SGCZ: variants seen among roughly 807,000 people sequenced by gnomAD.
SGCZ encodes sarcoglycan zeta, also known as zeta-sarcoglycan.
A neutral mutation model predicts 41.3 loss-of-function variants in SGCZ; 40 were observed. The ratio of observed to expected loss-of-function variants is 0.97; its 90% CI spans 0.75 to 1.26. The LOEUF (loss-of-function observed/expected upper bound fraction) is 1.26, where lower values mean the gene tolerates loss of function less well. Ranked by LOEUF, SGCZ falls within the 50% of genes most tolerant of loss-of-function variation. The pLI is 0.00. For missense variants in SGCZ, 552 were observed against 369.8 expected (o/e 1.49, Z -4.04); for synonymous variants, 206 against 137.5 (o/e 1.50, Z -3.49).
intron 4 of SGCZ, among the ~76,000 whole-genome samples, chr8:14,234,602 A>G (rs1429413280): frequency 6.6e-6 from 1 of 151,990 alleles, no homozygotes; most frequent in Non-Finnish European, 1.5e-5. Context: ...TTGTGTGCTA[A>G]TTTTTTTAAT....
At chr8:14,232,619 T>G (rs548974806) in intron 4 of SGCZ, among the ~76,000 whole-genome samples, 1 of 152,064 alleles carries the variant, frequency 6.6e-6, no homozygotes. Flanking sequence ...ATTATTATTA[T>G]ATTTTAAGTT....
intron 3 of SGCZ, among the ~76,000 whole-genome samples, chr8:14,266,889 T>G (rs1223248914): frequency 6.6e-6 from 1 of 151,676 alleles, no homozygotes; most frequent in Non-Finnish European, 1.5e-5. Flanking sequence ...CAAAATGGAG[T>G]AGAGGAACTA....
chr8:14,320,465 A>AT lies in SGCZ; in HGVS notation c.336+3637dup, dbSNP rs1197504272. On this transcript the variant is annotated intron_variant, in intron 3 of 7. Coordinates refer to ENST00000382080, the MANE Select transcript of SGCZ (RefSeq NM_139167.4). ...TATTATAATTATTATTACTATTATT[A>AT]TTATATTATTATACTTTAAGTTCTA... 2.3e-3 allele frequency among the ~76,000 whole-genome samples: 346 copies of AT among 150,844 alleles called. 2 individuals carry two copies. The highest frequency in any genetic ancestry group is 7.0e-3 in the Middle Eastern group (2 of 284).
At chr8:15,087,010 T>C (rs1805973224) in intron 1 of SGCZ, among the ~76,000 whole-genome samples, 1 of 152,126 alleles carries the variant, frequency 6.6e-6, no homozygotes, top group African/African-American at 2.4e-5. Context: ...CAGAAGAACA[T>C]GGGATTTGAA....
chr8:14,348,899 T>A (rs1327295721), intron 2 of SGCZ, among the ~76,000 whole-genome samples: 1 of 152,160 alleles, frequency 6.6e-6, no homozygotes, highest in Non-Finnish European at 1.5e-5. Flanking sequence ...AAAACACTTT[T>A]AGGATCTCTA....
chr8:14,137,702 G>C (rs541022952), intron 5 of SGCZ, among the ~76,000 whole-genome samples: 135 of 152,312 alleles, frequency 8.9e-4, no homozygotes, highest in African/African-American at 3.1e-3. Flanking sequence ...ATCTACGTCT[G>C]ATTGGTGTAC....
intron 1 of SGCZ, among the ~76,000 whole-genome samples, chr8:14,940,711 C>G (rs1321769181): frequency 6.6e-6 from 1 of 151,778 alleles, no homozygotes; most frequent in East Asian, 1.9e-4. Context: ...AAAACAACAA[C>G]AGGTAAGTGT....
chr8:14,527,155 C>T (rs1167980292), intron 2 of SGCZ, among the ~76,000 whole-genome samples: 2 of 152,102 alleles, frequency 1.3e-5, no homozygotes, highest in African/African-American at 4.8e-5. Context: ...CTCTTCTTTT[C>T]ACACACTATG....
chr8:14,134,281 C>T (rs1423493957), intron 5 of SGCZ, among the ~76,000 whole-genome samples: 2 of 152,030 alleles, frequency 1.3e-5, no homozygotes, highest in African/African-American at 4.8e-5. Flanking sequence ...TAAACTAGTA[C>T]CTCATCAAAT....
intron 3 of SGCZ, among the ~76,000 whole-genome samples, chr8:14,266,449 A>G (rs772220764): frequency 7.2e-5 from 11 of 152,102 alleles, no homozygotes; most frequent in Admixed American, 3.3e-4. Flanking sequence ...AAGACATGAT[A>G]TTTGCACTGA....
chr8:14,360,909 A>G (rs548672186), intron 2 of SGCZ, among the ~76,000 whole-genome samples: 1 of 152,262 alleles, frequency 6.6e-6, no homozygotes, highest in Admixed American at 6.5e-5. Context: ...TCTCACCAAC[A>G]AGGGACGAGT....
At position 14,551,563 on chromosome 8, in the gene SGCZ, A is replaced by T. The variant is rs1199502057; in HGVS notation, c.234+3169T>A. On this transcript the variant is annotated intron_variant, in intron 2 of 7. Coordinates refer to ENST00000382080, the MANE Select transcript of SGCZ (RefSeq NM_139167.4). ...ATATAATATATATAATATATATTATATATATAATATATATATAATATATAT... is the reference window on the plus strand; with the variant it reads ...ATATAATATATATAATATATATTATTTATATAATATATATATAATATATAT... Among the ~76,000 whole-genome samples, 6 of 21,172 alleles carry T rather than the reference A, an allele frequency of 2.8e-4. 1 individual carries two copies. The highest frequency in any genetic ancestry group is 1.1e-3 in the South Asian group (1 of 886). 13.9% of individuals were successfully genotyped at this position (21,172 alleles called of 152,430 possible). A position where few individuals can be genotyped will look rare whatever the true frequency, so the allele number is the denominator to read the frequency against.
rs575524440 is a variant in SGCZ, at chr8:14,251,829, C to A, written c.337-14150G>T. 8.5e-5 allele frequency among the ~76,000 whole-genome samples: 13 copies of A among 152,194 alleles called. 1 individual carries two copies. Among genetic ancestry groups the A allele is most frequent in the African/African-American group, 3.1e-4 (13 of 41,538 alleles). On this transcript the variant is annotated intron_variant, in intron 3 of 7. Transcript: ENST00000382080. ...CTCCCGGGTTCAAGTGGTTCTCCTG[C>A]CTCAGCCTCCTGAGTGGCTGGGATT...
chr8:14,560,702 G>C (rs1266217136), intron 1 of SGCZ, among the ~76,000 whole-genome samples: 1 of 151,954 alleles, frequency 6.6e-6, no homozygotes, highest in African/African-American at 2.4e-5. Flanking sequence ...CTAAATCTAT[G>C]AAATAAAACA....
At chr8:15,209,268 C>T (rs1042998360) in intron 1 of SGCZ, among the ~76,000 whole-genome samples, 3 of 151,964 alleles carry the variant, frequency 2.0e-5, no homozygotes, top group Non-Finnish European at 2.9e-5. Flanking sequence ...AAACTTTGAA[C>T]GTTCTTTCAC....
intron 1 of SGCZ, among the ~76,000 whole-genome samples, chr8:15,128,918 A>G (rs1807800964): frequency 6.6e-6 from 1 of 152,150 alleles, no homozygotes; most frequent in African/African-American, 2.4e-5. Context: ...CTGTCTGATC[A>G]TACCACCATT....
chr8:14,200,938 G>C (rs1290649981), intron 4 of SGCZ, among the ~76,000 whole-genome samples: 1 of 151,960 alleles, frequency 6.6e-6, no homozygotes, highest in African/African-American at 2.4e-5. Context: ...TTTCAAAATT[G>C]AATAATTATA....
chr8:15,188,064 C>G (rs919873333), intron 1 of SGCZ, among the ~76,000 whole-genome samples: 2 of 151,824 alleles, frequency 1.3e-5, no homozygotes. Flanking sequence ...TTAATGTATG[C>G]TCGTTTAATT....
chr8:14,463,804 T>G (rs1295234507), intron 2 of SGCZ, among the ~76,000 whole-genome samples: 1 of 151,648 alleles, frequency 6.6e-6, no homozygotes, highest in Non-Finnish European at 1.5e-5. Context: ...TACTCTTAGT[T>G]TTTTGAGTTT....
Sources: gnomAD v4.1 joint callset for allele counts (sites outside exome capture counted in the v4.1 genomes callset) on GRCh38, gnomAD v4.1.1 for gene constraint, MANE v1.5 for transcripts, NCBI Gene and HGNC (gene_info 2026-07-23, HGNC 2026-07-21) for gene names.